The following MKKS variants were observed in gnomAD, a reference collection of about 807,000 sequenced individuals.
The protein encoded by MKKS is MKKS centrosomal shuttling protein.
Under a neutral mutation model 33.2 loss-of-function variants are expected in MKKS, and 29 were observed. That is an observed-to-expected ratio of 0.87 (90% CI 0.65 to 1.19). The LOEUF is 1.19. Ranked by LOEUF, MKKS falls within the 50% of genes most tolerant of loss-of-function variation. The pLI is 0.00. For missense variants in MKKS, 661 were observed against 662.3 expected (o/e 1.00, Z 0.02); for synonymous variants, 260 against 244.0 (o/e 1.07, Z -0.61).
At chr20:10,427,225 A>G (rs1365177812) in intron 1 of MKKS, among the ~76,000 whole-genome samples, 2 of 152,204 alleles carry the variant, frequency 1.3e-5, no homozygotes, top group Admixed American at 6.5e-5. Context: ...TAGGCCTAAA[A>G]TAACTTGGAT....
chr20:10,429,305 T>C (rs1312017347), intron 1 of MKKS, among the ~76,000 whole-genome samples: 1 of 152,196 alleles, frequency 6.6e-6, no homozygotes, highest in East Asian at 1.9e-4. Flanking sequence ...TGTTCCTTCT[T>C]AGTCTCCTTT....
At chr20:10,432,150 A>G (rs924649611) in intron 1 of MKKS, among the ~76,000 whole-genome samples, 1 of 152,226 alleles carries the variant, frequency 6.6e-6, no homozygotes, top group Non-Finnish European at 1.5e-5. Context: ...CGACAGATCA[A>G]TCAAGGGGTA....
At chr20:10,430,414 C>CT in intron 1 of MKKS, among the ~76,000 whole-genome samples, 1 of 114,334 alleles carries the variant, frequency 8.7e-6, no homozygotes, top group African/African-American at 2.8e-5. Flanking sequence ...TATCACAATA[C>CT]TTGGCACTTT....
At chr20:10,427,026 AC>A (rs1458817456) in intron 1 of MKKS, among the ~76,000 whole-genome samples, 1 of 135,584 alleles carries the variant, frequency 7.4e-6, no homozygotes, top group Non-Finnish European at 1.6e-5. Flanking sequence ...AAAAGAAAAC[AC>A]TGACACACAC....
At chr20:10,428,501 ACCT>A (rs1266275023) in intron 1 of MKKS, among the ~76,000 whole-genome samples, 1 of 152,148 alleles carries the variant, frequency 6.6e-6, no homozygotes, top group Non-Finnish European at 1.5e-5. Context: ...AGGTATGAAC[ACCT>A]CTAACTTGTT....
rs910182452 is a variant in MKKS, at chr20:10,413,725, T to G, written c.-211A>C. ...ATGACAAATTAGTAATTCCAAATAT[T>G]TATTTTACTTCACTCTTCAATACTC... On this transcript the variant is annotated 5_prime_UTR_variant, in exon 3 of 6. Coordinates refer to ENST00000347364, the MANE Select transcript of MKKS (RefSeq NM_170784.3). 1.6e-6 allele frequency: 1 copy of G among 616,566 alleles called. No homozygotes were observed. Among genetic ancestry groups the G allele is most frequent in the Admixed American group, 2.9e-5 (1 of 34,072 alleles). 38.2% of individuals were successfully genotyped at this position (616,566 alleles called of 1,614,324 possible).
At chr20:10,427,588 TC>T (rs1401910357) in intron 1 of MKKS, among the ~76,000 whole-genome samples, 2 of 152,236 alleles carry the variant, frequency 1.3e-5, no homozygotes, top group Non-Finnish European at 2.9e-5. Flanking sequence ...TTTTTTATCC[TC>T]AATTTTTAAT....
In MKKS at chr20:10,407,598, G is replaced by A. The variant is rs757800590; in HGVS notation, c.1272+18C>T. On this transcript the variant is annotated intron_variant, in intron 5 of 5. Coordinates refer to ENST00000347364, the MANE Select transcript of MKKS (RefSeq NM_170784.3). The stretch of plus-strand genomic sequence containing the variant: ...TTGCTGAGAATTCAGGTAATCCGAA[G>A]AGGATTATCTTACATACCTTGTGTC... The A allele has an allele frequency of 7.5e-6, 12 of 1,590,452 alleles. No homozygotes were observed. Among genetic ancestry groups the A allele is most frequent in the Admixed American group, 6.7e-5 (4 of 59,842 alleles).
rs1440562916 is a variant in MKKS, at chr20:10,422,813, G to A, written c.-648-2055C>T. ...TGCAAGCTCCGCCTCCCAGGTTCAC[G>A]CCATTCTCCTGCCTCAGCCTCCCGA... On this transcript the variant is annotated intron_variant, in intron 1 of 5. Transcript: ENST00000347364. 1.4e-4 allele frequency among the ~76,000 whole-genome samples: 21 copies of A among 151,412 alleles called. No homozygotes were observed. The South Asian group carries it at 3.8e-3, about 27-fold the overall frequency.
At chr20:10,412,499 G>GT in intron 3 of MKKS, 31 bp downstream of exon 3, 2 of 1,608,222 alleles carry the variant, frequency 1.2e-6, no homozygotes, top group Non-Finnish European at 1.7e-6. Flanking sequence ...TTTATTAACT[G>GT]TAAGAGGCAA....
At chr20:10,409,885 C>T (rs141109933) in intron 3 of MKKS, among the ~76,000 whole-genome samples, 185 of 140,334 alleles carry the variant, frequency 1.3e-3, no homozygotes, top group African/African-American at 4.5e-3. Flanking sequence ...GCAGGAGAAT[C>T]GCTTGAACCT....
intron 1 of MKKS, among the ~76,000 whole-genome samples, 165 bp from the exon 2 acceptor site, chr20:10,420,923 T>A (rs1401252704): frequency 6.6e-6 from 1 of 152,164 alleles, no homozygotes; most frequent in Non-Finnish European, 1.5e-5. Flanking sequence ...AAAAGAGACA[T>A]GTCATTGACC....
At chr20:10,414,468 T>C (rs1568667529) in intron 2 of MKKS, among the ~76,000 whole-genome samples, 1 of 152,058 alleles carries the variant, frequency 6.6e-6, no homozygotes, top group Non-Finnish European at 1.5e-5. Flanking sequence ...TTTCTCCATG[T>C]TTGCCAGGTT....
Position 10,408,774 on chromosome 20 carries a change from T to C in MKKS, c.1015A>G (p.Ile339Val), listed in dbSNP as rs137853909. 6,728 of 1,613,792 alleles carry C rather than the reference T, an allele frequency of 4.2e-3. 26 individuals carry two copies. Among genetic ancestry groups the C allele is most frequent in the Middle Eastern group, 9.1e-3 (55 of 6,056 alleles). ...ACACTTCCATAACTATTAGGACATA[T>C]TGAGCCTAGGGATCCAATAGGCTGT... ...GTQPIGSLGS[I>V]CPNSYGSVKD... The change falls in exon 4 of 6, where the codon ATA becomes GTA. Residue 339 changes from isoleucine to valine, a missense_variant. Transcript: ENST00000347364.
chr20:10,414,088 G>C (rs2064918716), intron 2 of MKKS, among the ~76,000 whole-genome samples, 157 bp from the exon 3 acceptor site: 1 of 152,140 alleles, frequency 6.6e-6, no homozygotes, highest in Non-Finnish European at 1.5e-5. Context: ...GACCAACTTT[G>C]ACTTAAAATT....
intron 3 of MKKS, among the ~76,000 whole-genome samples, chr20:10,411,927 T>C (rs892384019): frequency 3.3e-5 from 5 of 152,208 alleles, no homozygotes; most frequent in African/African-American, 7.2e-5. Flanking sequence ...TATTACCAAA[T>C]ATATTTCGGT....
At chr20:10,415,839 A>G (rs1302818987) in intron 2 of MKKS, among the ~76,000 whole-genome samples, 6 of 152,030 alleles carry the variant, frequency 3.9e-5, no homozygotes, top group Admixed American at 2.6e-4. Flanking sequence ...ACCAGTACAC[A>G]TATCTTTTGG....
At chr20:10,409,773 C>T (rs2064867765) in intron 3 of MKKS, among the ~76,000 whole-genome samples, 1 of 151,658 alleles carries the variant, frequency 6.6e-6, no homozygotes, top group Admixed American at 6.6e-5. Flanking sequence ...GAGTTCGAGA[C>T]CAGCCTGGCC....
At chr20:10,415,086 G>T (rs2064927576) in intron 2 of MKKS, among the ~76,000 whole-genome samples, 2 of 152,114 alleles carry the variant, frequency 1.3e-5, no homozygotes, top group Non-Finnish European at 2.9e-5. Flanking sequence ...CCTTAACAAG[G>T]TAGTGTCCTT....
Sources: gnomAD v4.1 joint callset for allele counts (sites outside exome capture counted in the v4.1 genomes callset) on GRCh38, gnomAD v4.1.1 for gene constraint, MANE v1.5 for transcripts, NCBI Gene and HGNC (gene_info 2026-07-23, HGNC 2026-07-21) for gene names.